The following RBMXL1 variants were observed in gnomAD, a reference collection of about 807,000 sequenced individuals.
RBMXL1 encodes RBMX like 1.
In RBMXL1, 18 loss-of-function variants were observed where a neutral mutation model predicts 29.0. That is an observed-to-expected ratio of 0.62 (90% CI 0.43 to 0.92). The LOEUF is 0.92. Ranked by LOEUF, RBMXL1 falls within the 40% of genes least tolerant of loss-of-function variation. RBMXL1 has a pLI of 0.00. For synonymous variants in RBMXL1, 141 were observed against 170.4 expected (o/e 0.83, Z 1.34); for missense variants, 403 against 495.8 (o/e 0.81, Z 1.78).
chr1:88,988,342 CA>C lies in RBMXL1; in HGVS notation c.-332del. The C allele has an allele frequency of 6.2e-7, 1 of 1,605,928 alleles. No homozygotes were observed. Among genetic ancestry groups the C allele is most frequent in the Non-Finnish European group, 8.5e-7 (1 of 1,174,696 alleles). On this transcript the variant is annotated 5_prime_UTR_variant, in exon 2 of 3. The change creates a premature stop within an existing upstream ORF in the 5' untranslated region. Coordinates refer to ENST00000652648, the MANE Select transcript of RBMXL1 (RefSeq NM_001162536.3). ...TAAGAGAGCAGAGGCTCCTCTGGGC[CA>C]AAAACATGCTATTAAATAAAAGAAA...
intron 2 of RBMXL1, among the ~76,000 whole-genome samples, chr1:88,984,278 A>T (rs1413093063): frequency 2.3e-5 from 3 of 130,878 alleles, no homozygotes; most frequent in Non-Finnish European, 4.6e-5. Context: ...GCAGCGGCGC[A>T]ATCTTGGCTC....
chr1:88,987,904 T>C (rs1372084431), intron 2 of RBMXL1, among the ~76,000 whole-genome samples: 2 of 152,216 alleles, frequency 1.3e-5, no homozygotes, highest in Non-Finnish European at 2.9e-5. Flanking sequence ...GTATTGTATT[T>C]GGTGGTTATG....
At chr1:88,991,933 T>G (rs549098111) in intron 1 of RBMXL1, among the ~76,000 whole-genome samples, 1 of 152,008 alleles carries the variant, frequency 6.6e-6, no homozygotes, top group Non-Finnish European at 1.5e-5. Context: ...AATGTTGGAT[T>G]CTGCTAAGCT....
rs1217659851 is a variant in RBMXL1, at chr1:88,983,147, C to T, written c.680G>A (p.Ser227Asn). The T allele has an allele frequency of 3.1e-6, 5 of 1,612,406 alleles. No individual in the cohort carries two copies. Among genetic ancestry groups the T allele is most frequent in the Admixed American group, 1.7e-5 (1 of 59,998 alleles). ...KDSYSSRDYP[S>N]SRDTRDYAPP... Reference sequence around the variant, plus strand: ...TGCATAATCTCTTGTATCACGAGAACTTGGGTAATCTCTGCTTGAATAGCT... The same window carrying T: ...TGCATAATCTCTTGTATCACGAGAATTTGGGTAATCTCTGCTTGAATAGCT... The change falls in exon 3 of 3, where the codon AGT (serine) becomes AAT (asparagine). Residue 227 changes from serine to asparagine, a missense_variant. Ser to Asn is a conservative substitution (Grantham distance 46). Coordinates refer to ENST00000652648, the MANE Select transcript of RBMXL1 (RefSeq NM_001162536.3).
intron 2 of RBMXL1, 138 bp from the exon 3 acceptor site, chr1:88,984,204 CTTTTTTTTTTTTTTTTTT>C (rs908183722): frequency 1.2e-5 from 1 of 81,470 alleles, no homozygotes; most frequent in African/African-American, 4.4e-5. Context: ...TTTTTTGTTG[CTTTTTTTTTTTTTTTTTT>C]TTTTTTTTGT....
At chr1:88,987,424 A>G (rs1677529758) in intron 2 of RBMXL1, among the ~76,000 whole-genome samples, 1 of 152,242 alleles carries the variant, frequency 6.6e-6, no homozygotes, top group South Asian at 2.1e-4. Flanking sequence ...GATGGTTTTT[A>G]TGAAAATTTT....
intron 1 of RBMXL1, 81 bp from the exon 2 acceptor site, chr1:88,988,432 G>T: frequency 2.6e-6 from 2 of 772,294 alleles, no homozygotes; most frequent in East Asian, 2.6e-5. Context: ...GCTAGCTGAT[G>T]TATCATAAGC....
In RBMXL1 at chr1:88,980,167, T is replaced by G. The variant is rs1340612554; in HGVS notation, c.*2487A>C. On this transcript the variant is annotated 3_prime_UTR_variant, in exon 3 of 3. Coordinates refer to ENST00000652648, the MANE Select transcript of RBMXL1 (RefSeq NM_001162536.3). ...CAAATCAGCAGCGTGAGGGATGGACTGCAAAGGAACTTGAGGAATCTTTTG... is the reference window on the plus strand; with the variant it reads ...CAAATCAGCAGCGTGAGGGATGGACGGCAAAGGAACTTGAGGAATCTTTTG... The G allele has an allele frequency of 7.2e-5, 11 of 152,418 alleles. No individual in the cohort carries two copies. Among genetic ancestry groups the G allele is most frequent in the Admixed American group, 7.2e-4 (11 of 15,276 alleles). The allele number at this position is 152,418 out of a possible 1,614,324, so 9.4% of individuals were successfully genotyped here.
chr1:88,983,153 T>C lies in RBMXL1; in HGVS notation c.674A>G (p.Tyr225Cys). 2 of 1,612,518 alleles carry C rather than the reference T, an allele frequency of 1.2e-6. No homozygotes were observed. The highest frequency in any genetic ancestry group is 1.7e-6 in the Non-Finnish European group (2 of 1,180,016). Reference sequence around the variant, plus strand: ...ATCTCTTGTATCACGAGAACTTGGGTAATCTCTGCTTGAATAGCTGTCTTT... The same window carrying C: ...ATCTCTTGTATCACGAGAACTTGGGCAATCTCTGCTTGAATAGCTGTCTTT... ...STKDSYSSRD[Y>C]PSSRDTRDYA... The change falls in exon 3 of 3, where the codon TAC becomes TGC. Residue 225 changes from tyrosine to cysteine, a missense_variant. Transcript: ENST00000652648.
intron 2 of RBMXL1, among the ~76,000 whole-genome samples, chr1:88,987,598 T>C (rs187218544): frequency 5.9e-4 from 90 of 152,338 alleles, no homozygotes; most frequent in African/African-American, 2.0e-3. Flanking sequence ...TATAAAACAC[T>C]CATATGCACA....
Position 88,990,527 on chromosome 1 carries a change from G to A in RBMXL1, c.-341+2058C>T, listed in dbSNP as rs866228771. 2.4e-4 allele frequency among the ~76,000 whole-genome samples: 37 copies of A among 152,304 alleles called. 1 individual carries two copies. Among genetic ancestry groups the A allele is most frequent in the African/African-American group, 8.7e-4 (36 of 41,560 alleles). ...TGCAGCTTTAGATACTGGCAGGCAA[G>A]CCCTTTTTCCCCTGAGAAACACCAT... On this transcript the variant is annotated intron_variant, in intron 1 of 2. Transcript: ENST00000652648.
intron 1 of RBMXL1, among the ~76,000 whole-genome samples, chr1:88,990,429 C>T (rs1326189026): frequency 6.6e-6 from 1 of 152,220 alleles, no homozygotes; most frequent in Non-Finnish European, 1.5e-5. Flanking sequence ...GCAACTCTTG[C>T]TAAAGTCAGT....
chr1:88,983,898 C>A lies in RBMXL1; in HGVS notation c.-72G>T. 6.3e-7 allele frequency: 1 copy of A among 1,583,814 alleles called. No individual in the cohort carries two copies. On this transcript the variant is annotated 5_prime_UTR_variant, in exon 3 of 3. Transcript: ENST00000652648. Reference sequence around the variant, plus strand: ...CCAACAAGCTCGCCGACAGGGGCTTCCTAGCAGCTCAGCACCAGTGGCGGC... The same window carrying A: ...CCAACAAGCTCGCCGACAGGGGCTTACTAGCAGCTCAGCACCAGTGGCGGC...
chr1:88,991,983 G>GT (rs10638041), intron 1 of RBMXL1, among the ~76,000 whole-genome samples: 81,605 of 144,532 alleles, frequency 0.56, 23,180 homozygotes, highest in Middle Eastern at 0.62. Context: ...TATTCTTTTG[G>GT]TTTTTTTTTT....
intron 2 of RBMXL1, among the ~76,000 whole-genome samples, chr1:88,987,329 A>C (rs368392504): frequency 1.3e-5 from 2 of 152,274 alleles, no homozygotes; most frequent in Admixed American, 6.5e-5. Flanking sequence ...GGCCTGAAAA[A>C]GGTGGTCACG....
In RBMXL1 at chr1:88,981,355, T is replaced by C. The variant is rs567757406; in HGVS notation, c.*1299A>G. 7 of 152,376 alleles carry C rather than the reference T, an allele frequency of 4.6e-5. No homozygotes were observed. The highest frequency in any genetic ancestry group is 1.7e-4 in the African/African-American group (7 of 41,570). 9.4% of individuals were successfully genotyped at this position (152,376 alleles called of 1,614,324 possible). On this transcript the variant is annotated 3_prime_UTR_variant, in exon 3 of 3. Coordinates refer to ENST00000652648, the MANE Select transcript of RBMXL1 (RefSeq NM_001162536.3). ...TCATCTTAAGTTCTAAATTGAAGAG[T>C]TGTCCCCATGACTTTAGCTAAACAA...
rs1319658871 is a variant in RBMXL1 at position 88,981,516 on chromosome 1, T to A, written c.*1138A>T. The A allele has an allele frequency of 6.4e-6, 1 of 155,672 alleles. No individual in the cohort carries two copies. Among genetic ancestry groups the A allele is most frequent in the Admixed American group, 6.5e-5 (1 of 15,278 alleles). 9.6% of individuals were successfully genotyped at this position (155,672 alleles called of 1,614,324 possible). ...AAGTAACTACCACTCACTCCCTAGT[T>A]ATGAGTGTTAATCAACACTGATGCC... On this transcript the variant is annotated 3_prime_UTR_variant, in exon 3 of 3. Coordinates refer to ENST00000652648, the MANE Select transcript of RBMXL1 (RefSeq NM_001162536.3).
In RBMXL1 at chr1:88,981,044, A is replaced by C. The variant is rs1677062440; in HGVS notation, c.*1610T>G. 6.6e-6 allele frequency: 1 copy of C among 152,228 alleles called. No homozygotes were observed. The highest frequency in any genetic ancestry group is 1.5e-5 in the Non-Finnish European group (1 of 68,040). 9.4% of individuals were successfully genotyped at this position (152,228 alleles called of 1,614,324 possible). A position where few individuals can be genotyped will look rare whatever the true frequency, so the allele number is the denominator to read the frequency against. The stretch of plus-strand genomic sequence containing the variant: ...CAACTCAAGTCTGTTTCCTTTGAGA[A>C]CATTACACTATTGGCTCTAGTCTCC... On this transcript the variant is annotated 3_prime_UTR_variant, in exon 3 of 3. Transcript: ENST00000652648.
In RBMXL1 at chr1:88,983,096, C is replaced by T. The variant is rs754634845; in HGVS notation, c.731G>A (p.Arg244His). The change falls in exon 3 of 3, where the codon CGT becomes CAT. Residue 244 changes from arginine to histidine, a missense_variant. Arg to His is a conservative substitution (Grantham distance 29, BLOSUM62 0). Coordinates refer to ENST00000652648, the MANE Select transcript of RBMXL1 (RefSeq NM_001162536.3). ...YAPPPRDYTY[R>H]DYGHSSSRDD... is the part of the protein sequence containing the mutation. ...ACGTGAACTGGAATGACCATAATCA[C>T]GGTAAGTATAATCTCGTGGTGGTGG... 1.6e-5 allele frequency: 25 copies of T among 1,612,222 alleles called. No individual in the cohort carries two copies. The highest frequency in any genetic ancestry group is 1.9e-5 in the Non-Finnish European group (22 of 1,180,006).
Sources: allele counts gnomAD v4.1 joint callset (sites outside exome capture counted in the v4.1 genomes callset), GRCh38; gene constraint gnomAD v4.1.1; transcripts MANE v1.5; gene names NCBI Gene and HGNC (gene_info 2026-07-23, HGNC 2026-07-21).